Variants in DSCAML1 observed in about 807,000 individuals in gnomAD.
DSCAML1 encodes DS cell adhesion molecule like 1.
DSCAML1 carries 38 observed loss-of-function variants against 200.5 expected under a neutral mutation model. The observed-to-expected ratio is 0.19, with a 90% CI of 0.15 to 0.25. The LOEUF (loss-of-function observed/expected upper bound fraction) is 0.25. Ranked by LOEUF, DSCAML1 falls within the 10% of genes least tolerant of loss-of-function variation. The pLI, the probability that DSCAML1 is intolerant of heterozygous loss-of-function variation, is 1.00. For missense variants in DSCAML1, 2,223 were observed against 2,858.8 expected (o/e 0.78, Z 5.07); for synonymous variants, 1,215 against 1,165.0 (o/e 1.04, Z -0.87).
intron 1 of DSCAML1, among the ~76,000 whole-genome samples, chr11:117,811,409 G>A (rs1194514022): frequency 6.6e-6 from 1 of 152,120 alleles, no homozygotes; most frequent in Non-Finnish European, 1.5e-5. Flanking sequence ...TCACCTTCAA[G>A]GTGTACAATA....
At chr11:117,565,468 C>T (rs546488984) in intron 3 of DSCAML1, among the ~76,000 whole-genome samples, 11 of 152,304 alleles carry the variant, frequency 7.2e-5, no homozygotes, top group Non-Finnish European at 1.0e-4. Context: ...GCATTTCTGA[C>T]GTGGCATTGA....
At chr11:117,803,035 T>C (rs531944738) in intron 1 of DSCAML1, among the ~76,000 whole-genome samples, 1 of 152,070 alleles carries the variant, frequency 6.6e-6, no homozygotes, top group African/African-American at 2.4e-5. Flanking sequence ...TTTTCTGCTC[T>C]GGCTTCTCGG....
intron 3 of DSCAML1, among the ~76,000 whole-genome samples, chr11:117,683,891 C>G (rs1012217588): frequency 6.6e-6 from 1 of 152,192 alleles, no homozygotes; most frequent in Non-Finnish European, 1.5e-5. Flanking sequence ...TCACCCCCAC[C>G]CAGGGTCCCA....
chr11:117,792,299 T>C (rs896998045), intron 1 of DSCAML1, among the ~76,000 whole-genome samples: 3 of 152,088 alleles, frequency 2.0e-5, no homozygotes, highest in Non-Finnish European at 2.9e-5. Flanking sequence ...CCTGCCATAG[T>C]AGTATCCTCT....
At chr11:117,710,669 C>A (rs2053831079) in intron 3 of DSCAML1, among the ~76,000 whole-genome samples, 1 of 152,186 alleles carries the variant, frequency 6.6e-6, no homozygotes, top group Admixed American at 6.5e-5. Context: ...CCTGTGAGGT[C>A]ATTAGTGTTA....
At chr11:117,465,990 T>G (rs1386883390) in intron 16 of DSCAML1, among the ~76,000 whole-genome samples, 1 of 152,176 alleles carries the variant, frequency 6.6e-6, no homozygotes, top group Non-Finnish European at 1.5e-5. Context: ...TGTACATTGC[T>G]GGTGGGAATG....
At chr11:117,691,532 G>C (rs2137720454) in intron 3 of DSCAML1, among the ~76,000 whole-genome samples, 1 of 152,240 alleles carries the variant, frequency 6.6e-6, no homozygotes, top group South Asian at 2.1e-4. Flanking sequence ...CCCCATTATG[G>C]GCTTATTAAT....
intron 21 of DSCAML1, among the ~76,000 whole-genome samples, chr11:117,441,252 G>A (rs1024461738): frequency 1.3e-5 from 2 of 152,242 alleles, no homozygotes; most frequent in Non-Finnish European, 2.9e-5. Context: ...GGCTTGGCAG[G>A]AAGGACCGGA....
intron 3 of DSCAML1, among the ~76,000 whole-genome samples, chr11:117,548,419 G>C (rs1385081141): frequency 1.3e-5 from 2 of 152,172 alleles, no homozygotes; most frequent in African/African-American, 4.8e-5. Flanking sequence ...CCTTCCCATA[G>C]GGGTACACCC....
In DSCAML1 at chr11:117,677,546, C is replaced by T. The variant is rs183445189; in HGVS notation, c.511+99245G>A. ...GAATGAGGCATGGGTTCTGTGGCTG[C>T]GGGGCAGGGGCTGGTGAGGACCCTG... On this transcript the variant is annotated intron_variant, in intron 3 of 32. Transcript: ENST00000651296. 7.0e-4 allele frequency among the ~76,000 whole-genome samples: 106 copies of T among 151,712 alleles called. No homozygotes were observed. The East Asian group carries it at 0.012, about 18-fold the overall frequency.
intron 3 of DSCAML1, among the ~76,000 whole-genome samples, chr11:117,644,452 C>T (rs531373766): frequency 7.9e-5 from 12 of 152,368 alleles, no homozygotes; most frequent in East Asian, 5.8e-4. Flanking sequence ...TGCACATCCA[C>T]GCATGTGAGC....
intron 3 of DSCAML1, among the ~76,000 whole-genome samples, chr11:117,747,218 TC>T (rs1180203123): frequency 2.6e-5 from 4 of 152,162 alleles, no homozygotes; most frequent in South Asian, 2.1e-4. Context: ...CCTTGACCTT[TC>T]CCCTAACCGG....
intron 11 of DSCAML1, among the ~76,000 whole-genome samples, chr11:117,490,466 G>A (rs2049162221): frequency 6.6e-6 from 1 of 152,152 alleles, no homozygotes; most frequent in South Asian, 2.1e-4. Context: ...CCCTGCCACG[G>A]GGATTGCAAA....
intron 8 of DSCAML1, among the ~76,000 whole-genome samples, chr11:117,508,317 C>T (rs1425404603): frequency 6.6e-6 from 1 of 152,178 alleles, no homozygotes; most frequent in Admixed American, 6.5e-5. Context: ...TATCACATGG[C>T]TGTCGGGGTA....
At chr11:117,578,019 G>C (rs1420633392) in intron 3 of DSCAML1, among the ~76,000 whole-genome samples, 1 of 151,594 alleles carries the variant, frequency 6.6e-6, no homozygotes, top group South Asian at 2.1e-4. Context: ...TGGATCACCT[G>C]AGGTCAGGAG....
intron 16 of DSCAML1, among the ~76,000 whole-genome samples, chr11:117,468,470 A>G (rs2048625932): frequency 6.6e-6 from 1 of 152,156 alleles, no homozygotes; most frequent in Admixed American, 6.5e-5. Flanking sequence ...TTGTAGCCCA[A>G]TGTTTCAGTA....
chr11:117,562,497 C>A (rs534178823), intron 3 of DSCAML1, among the ~76,000 whole-genome samples: 1 of 152,326 alleles, frequency 6.6e-6, no homozygotes, highest in East Asian at 1.9e-4. Context: ...TTTAACCCCA[C>A]TTTGTGAGTG....
chr11:117,639,984 GC>G (rs1262324966), intron 3 of DSCAML1, among the ~76,000 whole-genome samples: 2 of 152,210 alleles, frequency 1.3e-5, no homozygotes, highest in African/African-American at 4.8e-5. Flanking sequence ...GGAGAAGTGA[GC>G]AGACTTGTGT....
chr11:117,623,106 A>G (rs1329393740), intron 3 of DSCAML1, among the ~76,000 whole-genome samples: 1 of 152,064 alleles, frequency 6.6e-6, no homozygotes, highest in Non-Finnish European at 1.5e-5. Flanking sequence ...CCTATGAGAC[A>G]TGAGAACCCT....
Sources: allele counts gnomAD v4.1 joint callset (sites outside exome capture counted in the v4.1 genomes callset), GRCh38; gene constraint gnomAD v4.1.1; transcripts MANE v1.5; gene names NCBI Gene and HGNC (gene_info 2026-07-23, HGNC 2026-07-21).